Variants in SERPINE2 observed in about 807,000 individuals in gnomAD.
The protein encoded by SERPINE2 is serpin family E member 2.
Under a neutral mutation model 36.3 loss-of-function variants are expected in SERPINE2, and 14 were observed. That is an observed-to-expected ratio of 0.39 (90% confidence interval 0.25 to 0.60). SERPINE2 has a LOEUF of 0.60. Among genes scored for constraint, SERPINE2 ranks in the 20% least tolerant of loss-of-function variants. The pLI, the probability that SERPINE2 is intolerant of heterozygous loss-of-function variation, is 0.57. For synonymous variants in SERPINE2, 192 were observed against 191.8 expected, an observed-to-expected ratio of 1.00 and a Z score of -0.01; for missense variants, 418 against 499.6, an observed-to-expected ratio of 0.84 and a Z score of 1.56.
At chr2:223,977,101 GTGAA>G (rs1690043718) in intron 8 of SERPINE2, among the ~76,000 whole-genome samples, 6 of 152,164 alleles carry the variant, frequency 3.9e-5, no homozygotes, top group Admixed American at 3.9e-4. Context: ...CCCTAGCCAT[GTGAA>G]ACTGTGAGTC....
intron 1 of SERPINE2, among the ~76,000 whole-genome samples, chr2:224,019,695 A>C (rs1691927058): frequency 6.6e-6 from 1 of 151,854 alleles, no homozygotes; most frequent in South Asian, 2.1e-4. Flanking sequence ...TATTAAGGTC[A>C]ATTACAGTGG....
chr2:223,991,505 G>A (rs925193022), intron 4 of SERPINE2, among the ~76,000 whole-genome samples: 1 of 152,170 alleles, frequency 6.6e-6, no homozygotes, highest in Admixed American at 6.5e-5. Context: ...CTCATTTCAT[G>A]AATTGTCCTT....
At chr2:224,035,693 G>A (rs919850519) in intron 1 of SERPINE2, among the ~76,000 whole-genome samples, 2 of 152,140 alleles carry the variant, frequency 1.3e-5, no homozygotes, top group Non-Finnish European at 2.9e-5. Context: ...TGGCTTTTAG[G>A]AGAAGCTATA....
At chr2:224,019,765 TA>T (rs778718363) in intron 1 of SERPINE2, among the ~76,000 whole-genome samples, 1 of 137,694 alleles carries the variant, frequency 7.3e-6, no homozygotes, top group African/African-American at 2.7e-5. Flanking sequence ...TTTTTTTTTT[TA>T]AAAAAAAAAA....
intron 4 of SERPINE2, among the ~76,000 whole-genome samples, chr2:223,990,034 C>T (rs1330508669): frequency 2.0e-5 from 3 of 152,074 alleles, no homozygotes; most frequent in Admixed American, 2.0e-4. Context: ...GGGCACACCC[C>T]CTGGCAGAAG....
chr2:223,977,317 C>T (rs35742624), intron 8 of SERPINE2, among the ~76,000 whole-genome samples: 8,209 of 152,200 alleles, frequency 0.054, 389 homozygotes, highest in East Asian at 0.21. Flanking sequence ...AACAACAATC[C>T]GCAAAACCTA....
chr2:223,999,890 G>A (rs934333397), intron 2 of SERPINE2, among the ~76,000 whole-genome samples: 26 of 152,178 alleles, frequency 1.7e-4, no homozygotes, highest in African/African-American at 5.5e-4. Flanking sequence ...AAATCACCAG[G>A]AGTTTTCTGA....
intron 7 of SERPINE2, chr2:223,979,648 G>A (rs1451363264): frequency 6.6e-6 from 1 of 152,208 alleles, no homozygotes; most frequent in Non-Finnish European, 1.5e-5. Flanking sequence ...AACCACTGAG[G>A]AGGAAGCAGA....
intron 2 of SERPINE2, 33 bp downstream of exon 2, chr2:224,001,609 A>C (rs1559206557): frequency 1.3e-6 from 2 of 1,590,566 alleles, no homozygotes. Context: ...TCTCAGGCAA[A>C]GGCTCCGCCA....
intron 5 of SERPINE2, among the ~76,000 whole-genome samples, chr2:223,983,376 C>T (rs1690296798): frequency 6.6e-6 from 1 of 152,164 alleles, no homozygotes; most frequent in South Asian, 2.1e-4. Flanking sequence ...GCCTCAGCCT[C>T]CCAAGTAGTT....
chr2:223,992,643 C>T (rs916907476), intron 3 of SERPINE2, among the ~76,000 whole-genome samples: 3 of 152,116 alleles, frequency 2.0e-5, no homozygotes, highest in South Asian at 2.1e-4. Flanking sequence ...AAGCAAGGTG[C>T]TAATATTAGA....
At chr2:224,024,673 T>C (rs1044597267) in intron 1 of SERPINE2, among the ~76,000 whole-genome samples, 1 of 152,208 alleles carries the variant, frequency 6.6e-6, no homozygotes, top group East Asian at 1.9e-4. Flanking sequence ...AGAGCTGCTA[T>C]GAGGATTACG....
At chr2:224,036,520 G>A (rs1692543193) in intron 1 of SERPINE2, among the ~76,000 whole-genome samples, 1 of 151,656 alleles carries the variant, frequency 6.6e-6, no homozygotes, top group Admixed American at 6.6e-5. Context: ...ATAGCATTAG[G>A]AGAAATACCT....
At chr2:224,030,886 T>C in intron 1 of SERPINE2, 3 of 808,158 alleles carry the variant, frequency 3.7e-6, no homozygotes, top group Non-Finnish European at 4.5e-6. Context: ...CAAAGGTCAG[T>C]ACTAATTTTA....
chr2:223,986,449 T>A (rs1356891644), intron 4 of SERPINE2, among the ~76,000 whole-genome samples: 5 of 152,148 alleles, frequency 3.3e-5, no homozygotes. Flanking sequence ...TTAGCCTGCA[T>A]AACAAAATGG....
intron 1 of SERPINE2, among the ~76,000 whole-genome samples, chr2:224,037,263 T>G (rs1692565582): frequency 6.6e-6 from 1 of 152,188 alleles, no homozygotes; most frequent in South Asian, 2.1e-4. Flanking sequence ...ATGACCTCTA[T>G]TCTCCTGGTA....
chr2:223,991,089 A>G (rs932429370), intron 4 of SERPINE2, among the ~76,000 whole-genome samples: 1 of 152,222 alleles, frequency 6.6e-6, no homozygotes, highest in Non-Finnish European at 1.5e-5. Context: ...TAAAGAAAAG[A>G]ATTTTACATA....
At chr2:223,979,471 CT>C (rs1690141082) in intron 7 of SERPINE2, 1 of 152,196 alleles carries the variant, frequency 6.6e-6, no homozygotes, top group African/African-American at 2.4e-5. Context: ...GTGAGTATAA[CT>C]GGTATGTTTC....
chr2:224,003,912 G>A lies in SERPINE2; in HGVS notation c.-22-1990C>T, dbSNP rs772014803. Among the ~76,000 whole-genome samples the A allele has an allele frequency of 7.8e-4, 119 of 152,082 alleles. 1 individual carries two copies. Among genetic ancestry groups the A allele is most frequent in the Non-Finnish European group, 1.6e-3 (106 of 68,024 alleles). Reference sequence around the variant, plus strand: ...GAGACAGGTGACCTGGAGGGAGGGGGAAATCATGTCTCTGTGTGCTCTGGG... The same window carrying A: ...GAGACAGGTGACCTGGAGGGAGGGGAAAATCATGTCTCTGTGTGCTCTGGG... On this transcript the variant is annotated intron_variant, in intron 1 of 8. Transcript: ENST00000409304.
Sources: gnomAD v4.1 joint callset for allele counts (sites outside exome capture counted in the v4.1 genomes callset) on GRCh38, gnomAD v4.1.1 for gene constraint, MANE v1.5 for transcripts, NCBI Gene and HGNC (gene_info 2026-07-23, HGNC 2026-07-21) for gene names.